The following NEDD1 variants were observed in gnomAD, a reference collection of about 807,000 sequenced individuals.
NEDD1 encodes the protein NEDD1 gamma-tubulin ring complex targeting factor.
NEDD1 carries 33 observed loss-of-function variants against 74.0 expected under a neutral mutation model. The ratio of observed to expected loss-of-function variants is 0.45; its 90% confidence interval spans 0.34 to 0.60. The LOEUF is 0.60. Ranked by LOEUF, NEDD1 falls within the 20% of genes least tolerant of loss-of-function variation. NEDD1 has a pLI of 0.01. For missense variants in NEDD1, 746 were observed against 776.5 expected, an observed-to-expected ratio of 0.96 and a Z score of 0.47; for synonymous variants, 250 against 264.4, an observed-to-expected ratio of 0.95 and a Z score of 0.53.
chr12:96,909,555 G>A lies in NEDD1; in HGVS notation c.-8-197G>A, dbSNP rs528620907. ...GATTTCATTATCATTACTGTGAGGA[G>A]CCATTGGAAGGGTCAGCTAAGAGAA... is the stretch of plus-strand genomic sequence containing the variant. On this transcript the variant is annotated intron_variant, in intron 2 of 15. Coordinates refer to ENST00000266742, the MANE Select transcript of NEDD1 (RefSeq NM_152905.4). 3.3e-5 allele frequency among the ~76,000 whole-genome samples: 5 copies of A among 152,280 alleles called. No homozygotes were observed. The East Asian group carries it at 7.7e-4, about 23-fold the overall frequency.
In NEDD1 at chr12:96,937,295, T is replaced by G; in HGVS notation, c.1019T>G (p.Ile340Ser). ...AGTGGAGGAGTTCAGAATTCCGGAA[T>G]TGTCAGAGAAGCACCTGCCACGTCC... is the stretch of plus-strand genomic sequence containing the variant. The part of the protein sequence containing the change: ...AASGGVQNSG[I>S]VREAPATSIA... Residue 340 changes from isoleucine to serine, a missense_variant, in exon 9 of 16, where the codon ATT (isoleucine) becomes AGT (serine). Transcript: ENST00000266742. 6.2e-7 allele frequency: 1 copy of G among 1,612,688 alleles called. No homozygotes were observed. The highest frequency in any genetic ancestry group is 8.5e-7 in the Non-Finnish European group (1 of 1,179,064).
intron 2 of NEDD1, among the ~76,000 whole-genome samples, chr12:96,908,864 A>C (rs994296724): frequency 3.3e-5 from 5 of 152,158 alleles, no homozygotes; most frequent in Non-Finnish European, 7.4e-5. Context: ...GGAGACAGAC[A>C]TTATAAGAAC....
intron 4 of NEDD1, among the ~76,000 whole-genome samples, chr12:96,915,913 T>C (rs1592862639): frequency 6.6e-6 from 1 of 152,152 alleles, no homozygotes; most frequent in Admixed American, 6.6e-5. Context: ...AAATAAGATA[T>C]TGTGATAGCA....
intron 6 of NEDD1, among the ~76,000 whole-genome samples, chr12:96,932,635 A>G (rs943805552): frequency 2.0e-5 from 3 of 149,962 alleles, no homozygotes; most frequent in African/African-American, 7.4e-5. Flanking sequence ...AAAGTTAAGA[A>G]ATGAAATTCT....
chr12:96,920,191 C>T lies in NEDD1; in HGVS notation c.489+66C>T, dbSNP rs75861789. 2.4e-3 allele frequency: 2,339 copies of T among 994,616 alleles called. 40 individuals carry two copies. The African/African-American group carries it at 0.035, about 15-fold the overall frequency. 61.6% of individuals were successfully genotyped at this position (994,616 alleles called of 1,614,324 possible). A position where few individuals can be genotyped will look rare whatever the true frequency, so the allele number is the denominator to read the frequency against. On this transcript the variant is annotated intron_variant, in intron 6 of 15. Transcript: ENST00000266742. Reference sequence around the variant, plus strand: ...ATTTTGAATTGTATCTTACATAAGACTGTGAATTTAAGTTTTTGAAATGCT... The same window carrying T: ...ATTTTGAATTGTATCTTACATAAGATTGTGAATTTAAGTTTTTGAAATGCT...
At chr12:96,918,694 A>G (rs1463035586) in intron 5 of NEDD1, among the ~76,000 whole-genome samples, 1 of 152,208 alleles carries the variant, frequency 6.6e-6, no homozygotes, top group African/African-American at 2.4e-5. Context: ...CTGGTGATTA[A>G]CACAATTTCT....
chr12:96,931,860 T>C (rs1876509361), intron 6 of NEDD1, among the ~76,000 whole-genome samples: 1 of 152,164 alleles, frequency 6.6e-6, no homozygotes, highest in Non-Finnish European at 1.5e-5. Flanking sequence ...AACCACTTTT[T>C]CTCTGGGTAG....
At position 96,907,312 on chromosome 12, in the gene NEDD1, G is replaced by A. The variant is rs1257291413; in HGVS notation, c.-262+12G>A. The A allele has an allele frequency of 3.0e-6, 1 of 338,798 alleles. No homozygotes were observed. Among genetic ancestry groups the A allele is most frequent in the Non-Finnish European group, 5.3e-6 (1 of 189,176 alleles). The allele number at this position is 338,798 out of a possible 1,614,324, so 21.0% of individuals were successfully genotyped here. A position where few individuals can be genotyped will look rare whatever the true frequency, so the allele number is the denominator to read the frequency against. ...GTTGCTGCGGAGAGGTGAGGTTCCGGAGGCCCTGAGGTCAGCGGGCCCCCG... is the reference window on the plus strand; with the variant it reads ...GTTGCTGCGGAGAGGTGAGGTTCCGAAGGCCCTGAGGTCAGCGGGCCCCCG... On this transcript the variant is annotated intron_variant, in intron 1 of 15. Transcript: ENST00000266742.
chr12:96,948,828 G>A (rs1878442419), intron 14 of NEDD1, among the ~76,000 whole-genome samples: 1 of 152,128 alleles, frequency 6.6e-6, no homozygotes, highest in African/African-American at 2.4e-5. Context: ...TTACCTTGGT[G>A]GGTCCCAAAC....
chr12:96,909,977 G>T, intron 3 of NEDD1, 82 bp downstream of exon 3: 1 of 1,467,518 alleles, frequency 6.8e-7, no homozygotes, highest in South Asian at 1.3e-5. Flanking sequence ...TGAAACTTTT[G>T]CATGTGCCTC....
chr12:96,949,927 G>T (rs1565816514), intron 14 of NEDD1, among the ~76,000 whole-genome samples: 2 of 151,970 alleles, frequency 1.3e-5, no homozygotes, highest in Non-Finnish European at 2.9e-5. Context: ...TTCATGGTAG[G>T]AAATCATTAA....
Position 96,907,585 on chromosome 12 carries a change from A to C in NEDD1, c.-261-19A>C. ...TCTGTCTCCTTTTTTGTCAACCTCA[A>C]GTACTTTTCTTTTGGCAGGTACTTG... On this transcript the variant is annotated intron_variant, in intron 1 of 15. Transcript: ENST00000266742. The C allele has an allele frequency of 6.4e-7, 1 of 1,550,414 alleles. No homozygotes were observed. Among genetic ancestry groups the C allele is most frequent in the Non-Finnish European group, 8.7e-7 (1 of 1,145,872 alleles).
At chr12:96,945,084 T>G (rs249586) in intron 13 of NEDD1, among the ~76,000 whole-genome samples, 74,727 of 151,720 alleles carry the variant, frequency 0.49, 18,774 homozygotes, top group African/African-American at 0.56. Context: ...TTGAAAAGGG[T>G]TGGTTAACTA....
intron 6 of NEDD1, among the ~76,000 whole-genome samples, chr12:96,922,331 A>G (rs1300248726): frequency 6.6e-6 from 1 of 152,190 alleles, no homozygotes; most frequent in African/African-American, 2.4e-5. Context: ...GTCTAAGCCT[A>G]TAAACTTTGG....
At chr12:96,916,730 CTTT>C (rs1342212183) in intron 4 of NEDD1, among the ~76,000 whole-genome samples, 5 of 151,702 alleles carry the variant, frequency 3.3e-5, no homozygotes, top group African/African-American at 1.2e-4. Context: ...GTGCATGTGT[CTTT>C]ATAGCAGCAT....
chr12:96,945,910 A>C (rs1240677564), intron 14 of NEDD1, 61 bp downstream of exon 14: 1 of 999,824 alleles, frequency 1.0e-6, no homozygotes, highest in Admixed American at 2.1e-5. Context: ...TTAGATGTAA[A>C]ACCAGAACTA....
At chr12:96,926,808 G>A (rs1017483375) in intron 6 of NEDD1, among the ~76,000 whole-genome samples, 7 of 151,942 alleles carry the variant, frequency 4.6e-5, no homozygotes, top group Admixed American at 3.3e-4. Flanking sequence ...GCAACATGGT[G>A]AAACGCCATC....
chr12:96,926,591 G>A (rs1457046269), intron 6 of NEDD1, among the ~76,000 whole-genome samples: 1 of 150,152 alleles, frequency 6.7e-6, no homozygotes, highest in East Asian at 1.9e-4. Context: ...CCTGCAAGCA[G>A]TACTGCCTGT....
chr12:96,920,250 G>A (rs764144744), intron 6 of NEDD1, 125 bp downstream of exon 6: 26 of 565,860 alleles, frequency 4.6e-5, no homozygotes, highest in Non-Finnish European at 7.9e-5. Context: ...TTAAATGGTA[G>A]TGTTTTAAAA....
Sources: allele counts gnomAD v4.1 joint callset (sites outside exome capture counted in the v4.1 genomes callset), GRCh38; gene constraint gnomAD v4.1.1; transcripts MANE v1.5; gene names NCBI Gene and HGNC (gene_info 2026-07-23, HGNC 2026-07-21).